The following MED23 variants were observed in gnomAD, a reference collection of about 807,000 sequenced individuals.
MED23 encodes the protein mediator of RNA polymerase II transcription subunit 23.
A neutral mutation model predicts 163.9 loss-of-function variants in MED23; 105 were observed. The ratio of observed to expected loss-of-function variants is 0.64; its 90% CI spans 0.55 to 0.75. MED23 has a LOEUF of 0.75. Ranked by LOEUF, MED23 falls within the 30% of genes least tolerant of loss-of-function variation. MED23 has a pLI of 0.00. For missense variants in MED23, 1,054 were observed against 1,649.0 expected, an observed-to-expected ratio of 0.64 and a Z score of 6.25; for synonymous variants, 561 against 565.6, an observed-to-expected ratio of 0.99 and a Z score of 0.12.
At chr6:131,593,837 T>C (rs1774836831) in intron 23 of MED23, among the ~76,000 whole-genome samples, 1 of 152,142 alleles carries the variant, frequency 6.6e-6, no homozygotes, top group South Asian at 2.1e-4. Context: ...GAAACAAATC[T>C]CCATAAAGTC....
chr6:131,590,390 A>G lies in MED23; in HGVS notation c.3739T>C (p.Tyr1247His), dbSNP rs768839767. ...AATGGTCCAACAAGATGGTATACATAAAGCAACTGGAATTCGGTCTTCACT... is the reference window on the plus strand; with the variant it reads ...AATGGTCCAACAAGATGGTATACATGAAGCAACTGGAATTCGGTCTTCACT... ...PIVKTEFQLL[Y>H]VYHLVGPFLQ... Residue 1247 changes from tyrosine to histidine, a missense_variant, in exon 27 of 29, where the codon TAT (tyrosine) becomes CAT (histidine). This residue lies in a region of MED23 where 362 missense variants were observed against 471.6 expected (regional missense o/e 0.77). Coordinates refer to ENST00000368068, the MANE Select transcript of MED23 (RefSeq NM_004830.4). 5 of 1,609,124 alleles carry G rather than the reference A, an allele frequency of 3.1e-6. No homozygotes were observed. The highest frequency in any genetic ancestry group is 4.3e-6 in the Non-Finnish European group (5 of 1,175,774).
chr6:131,621,208 T>C (rs868083261), intron 6 of MED23, among the ~76,000 whole-genome samples: 4 of 152,264 alleles, frequency 2.6e-5, no homozygotes, highest in African/African-American at 7.2e-5. Flanking sequence ...AAATTTCACT[T>C]TGACAAGAGG....
chr6:131,574,156 TA>T, exon 31 of MED23: 1 of 1,107,652 alleles, frequency 9.0e-7, no homozygotes, highest in Non-Finnish European at 1.4e-6. Context: ...TTAAAGAGGA[TA>T]AAAAACAAAG....
rs749504357 is a variant in MED23 at position 131,591,403 on chromosome 6, G to C, written c.3596C>G (p.Ser1199Cys). The change falls in exon 26 of 29, where the codon TCC becomes TGC. Residue 1199 changes from serine to cysteine, a missense_variant. Around this residue, in one of 11 missense-constraint regions of MED23, gnomAD observed 362 missense variants for 471.6 expected, o/e 0.77. Coordinates refer to ENST00000368068, the MANE Select transcript of MED23 (RefSeq NM_004830.4). ...RLFDFTACHQ[S>C]YSEMSCSYTL... ...ATAGCTACAACTCATCTCAGAGTAG[G>C]ACTGATGACAGGCAGTGAAATCAAA... 1.2e-6 allele frequency: 2 copies of C among 1,613,830 alleles called. No individual in the cohort carries two copies. The highest frequency in any genetic ancestry group is 3.3e-5 in the Admixed American group (2 of 60,020).
At chr6:131,592,751 G>C in intron 24 of MED23, 1 of 602,260 alleles carries the variant, frequency 1.7e-6, no homozygotes, top group Non-Finnish European at 2.9e-6. Context: ...TAAGTGACAA[G>C]TTAACATTAT....
chr6:131,620,143 A>C (rs1487225828), intron 7 of MED23, among the ~76,000 whole-genome samples: 1 of 152,202 alleles, frequency 6.6e-6, no homozygotes, highest in Non-Finnish European at 1.5e-5. Context: ...ATCATATTTT[A>C]TTACATGGCA....
At chr6:131,604,816 G>T (rs918814323) in intron 14 of MED23, among the ~76,000 whole-genome samples, 2 of 152,116 alleles carry the variant, frequency 1.3e-5, no homozygotes, top group African/African-American at 4.8e-5. Flanking sequence ...TGCTCCACTT[G>T]GAGGCCCACA....
intron 28 of MED23, among the ~76,000 whole-genome samples, chr6:131,589,205 C>A (rs1267539988): frequency 6.6e-6 from 1 of 152,114 alleles, no homozygotes; most frequent in African/African-American, 2.4e-5. Context: ...TATTAATTAA[C>A]CCTCTAGGTC....
rs1322037739 is a variant in MED23, at chr6:131,623,458, C to T, written c.289G>A (p.Val97Ile). 4.3e-6 allele frequency: 7 copies of T among 1,613,514 alleles called. No individual in the cohort carries two copies. The South Asian group carries it at 6.6e-5, about 15-fold the overall frequency. ...TCAGAGTTTATCAGGGATTCACAAA[C>T]CAGCCTATAAAAAAAGAAATAGCCA... is the stretch of plus-strand genomic sequence containing the variant. ...VETGLLPPRL[V>I]CESLINSDTL... Residue 97 changes from valine (V) to isoleucine (I), a missense_variant, in exon 5 of 29, where the codon GTT becomes ATT. This residue lies in a region of MED23 where 227 missense variants were observed against 235.5 expected (regional missense o/e 0.96). Transcript: ENST00000368068.
At position 131,590,387 on chromosome 6, in the gene MED23, C is replaced by T. The variant is rs144470678; in HGVS notation, c.3742G>A (p.Val1248Ile). The T allele has an allele frequency of 2.4e-4, 392 of 1,608,588 alleles. 2 individuals are homozygous for T. The African/African-American group carries it at 4.2e-3, about 17-fold the overall frequency. The change falls in exon 27 of 29, where the codon GTA becomes ATA. Residue 1248 changes from valine (V) to isoleucine (I), a missense_variant. By Grantham distance (29) the Val-to-Ile change is conservative (BLOSUM62 3). Coordinates refer to ENST00000368068, the MANE Select transcript of MED23 (RefSeq NM_004830.4). ...AAAAATGGTCCAACAAGATGGTATACATAAAGCAACTGGAATTCGGTCTTC... is the reference window on the plus strand; with the variant it reads ...AAAAATGGTCCAACAAGATGGTATATATAAAGCAACTGGAATTCGGTCTTC... ...IVKTEFQLLYVYHLVGPFLQR... is the reference protein window; with the variant it reads ...IVKTEFQLLYIYHLVGPFLQR...
rs927089498 is a variant in MED23 at position 131,586,994 on chromosome 6, G to A, written c.*685C>T. 2 of 1,471,236 alleles carry A rather than the reference G, an allele frequency of 1.4e-6. No homozygotes were observed. The highest frequency in any genetic ancestry group is 1.5e-5 in the South Asian group (1 of 68,448). The allele number at this position is 1,471,236 out of a possible 1,614,324, so 91.1% of individuals were successfully genotyped here. A position where few individuals can be genotyped will look rare whatever the true frequency, so the allele number is the denominator to read the frequency against. ...AGAAATTGGAGAATCAACCATTTAA[G>A]CATGATTTTAAGTTCAAGAATTTTC... On this transcript the variant is annotated 3_prime_UTR_variant, in exon 29 of 29. Transcript: ENST00000368068.
At chr6:131,590,226 T>C in intron 27 of MED23, 96 bp downstream of exon 27, 1 of 1,165,716 alleles carries the variant, frequency 8.6e-7, no homozygotes, top group Non-Finnish European at 1.3e-6. Context: ...TCACTACTAA[T>C]GGTTGTGACC....
chr6:131,602,651 AATT>A (rs1775571291), intron 16 of MED23, among the ~76,000 whole-genome samples: 1 of 152,164 alleles, frequency 6.6e-6, no homozygotes, highest in Non-Finnish European at 1.5e-5. Flanking sequence ...GCATTTCAAA[AATT>A]ATATTTTTCT....
chr6:131,588,026 T>C (rs149549257), intron 28 of MED23, among the ~76,000 whole-genome samples, 180 bp from the exon 29 acceptor site: 32 of 152,320 alleles, frequency 2.1e-4, no homozygotes, highest in Middle Eastern at 3.4e-3. Flanking sequence ...CTTTCTTGCA[T>C]GAGAAACAAT....
chr6:131,614,214 T>G (rs1472041120), intron 10 of MED23, among the ~76,000 whole-genome samples: 1 of 152,150 alleles, frequency 6.6e-6, no homozygotes, highest in East Asian at 1.9e-4. Context: ...ACAAGGAAAC[T>G]TGGCAAATTT....
chr6:131,583,852 G>C (rs866970619), downstream of MED23: 9 of 1,613,956 alleles, frequency 5.6e-6, no homozygotes, highest in African/African-American at 1.3e-5. Context: ...GGCTTGTTTC[G>C]GACTTGCTCG....
At chr6:131,624,754 A>T in intron 4 of MED23, 111 bp downstream of exon 4, 1 of 1,193,206 alleles carries the variant, frequency 8.4e-7, no homozygotes, top group Non-Finnish European at 1.2e-6. Flanking sequence ...TACTTGATAA[A>T]CCTCACCTTC....
chr6:131,627,538 A>T (rs1198567175), intron 2 of MED23, 55 bp from the exon 3 acceptor site: 2 of 1,589,956 alleles, frequency 1.3e-6, no homozygotes, highest in African/African-American at 1.3e-5. Context: ...GTAATTACAC[A>T]CAATCAGAAT....
chr6:131,605,216 A>G, intron 14 of MED23, 24 bp downstream of exon 14: 1 of 1,612,072 alleles, frequency 6.2e-7, no homozygotes, highest in Non-Finnish European at 8.5e-7. Context: ...CTGACATGGA[A>G]CCAAATTAAT....
Sources: gnomAD v4.1 joint callset for allele counts (sites outside exome capture counted in the v4.1 genomes callset) on GRCh38, gnomAD v4.1.1 for gene constraint, gnomAD v4.1.1 regional missense constraint, MANE v1.5 for transcripts, NCBI Gene and HGNC (gene_info 2026-07-23, HGNC 2026-07-21) for gene names.